The following MMP26 variants were observed in gnomAD, a reference collection of about 807,000 sequenced individuals.
The protein encoded by MMP26 is matrix metalloproteinase-26.
MMP26 carries 33 observed loss-of-function variants against 31.0 expected under a neutral mutation model. The observed-to-expected ratio is 1.06, with a 90% CI of 0.81 to 1.42. MMP26 has a LOEUF of 1.42. Among genes scored for constraint, MMP26 ranks in the 40% most tolerant of loss-of-function variants. MMP26 has a pLI of 0.00. For synonymous variants in MMP26, 122 were observed against 114.9 expected, an observed-to-expected ratio of 1.06 and a Z score of -0.40; for missense variants, 347 against 316.1, an observed-to-expected ratio of 1.10 and a Z score of -0.74.
chr11:4,786,493 CTTTTTTTTTTTTTT>C (rs66987352), intron 2 of MMP26, among the ~76,000 whole-genome samples: 12 of 60,350 alleles, frequency 2.0e-4, no homozygotes, highest in Middle Eastern at 7.6e-3. Context: ...TCTGCTGATC[CTTTTTTTTTTTTTT>C]TTTTTTTTTT....
chr11:4,755,666 A>C (rs142671776), intron 1 of MMP26, among the ~76,000 whole-genome samples: 2 of 152,162 alleles, frequency 1.3e-5, no homozygotes, highest in African/African-American at 4.8e-5. Context: ...CTCCGATTTT[A>C]AGCCTGCAAA....
chr11:4,908,264 T>G, intron 2 of MMP26: 1 of 1,614,118 alleles, frequency 6.2e-7, no homozygotes. Context: ...TCGACAAATC[T>G]GGGAGAAGAT....
At chr11:4,930,720 T>G (rs981975951) in intron 2 of MMP26, among the ~76,000 whole-genome samples, 8 of 152,114 alleles carry the variant, frequency 5.3e-5, no homozygotes, top group Non-Finnish European at 1.0e-4. Context: ...GCTTGTTTAC[T>G]ATACTTGCAC....
chr11:4,856,661 A>C (rs1850058129), intron 2 of MMP26, among the ~76,000 whole-genome samples: 1 of 152,196 alleles, frequency 6.6e-6, no homozygotes, highest in African/African-American at 2.4e-5. Context: ...TAGACAGATC[A>C]ATGAGACAGA....
intron 2 of MMP26, chr11:4,822,562 G>A: frequency 2.1e-6 from 1 of 472,228 alleles, no homozygotes; most frequent in East Asian, 3.5e-5. Flanking sequence ...TTATGATTTT[G>A]TTTTCAATAT....
Position 4,989,852 on chromosome 11 carries a change from CACACTCT to C in MMP26, c.306_312del (p.His102GlnfsTer12). On this transcript the variant is annotated frameshift_variant, in exon 4 of 8. Transcript: ENST00000380390. LOFTEE classifies it high-confidence loss of function. Reference sequence around the variant, plus strand: ...GCCAGGAAGATGCAAGTGGAATAAGCACACTCTAACTTACAGGTGCTTGTTACTAAGG... The same window carrying C: ...GCCAGGAAGATGCAAGTGGAATAAGCAACTTACAGGTGCTTGTTACTAAGG... 1 of 1,608,778 alleles carries C rather than the reference CACACTCT, an allele frequency of 6.2e-7. No homozygotes were observed. Among genetic ancestry groups the C allele is most frequent in the Non-Finnish European group, 8.5e-7 (1 of 1,179,850 alleles).
chr11:4,796,809 A>G (rs978532694), intron 2 of MMP26, among the ~76,000 whole-genome samples: 3 of 152,076 alleles, frequency 2.0e-5, no homozygotes, highest in African/African-American at 4.8e-5. Context: ...TGCTATACCT[A>G]AGGCAATCTC....
At chr11:4,865,670 A>G (rs993566776) in intron 2 of MMP26, among the ~76,000 whole-genome samples, 5 of 152,050 alleles carry the variant, frequency 3.3e-5, no homozygotes, top group African/African-American at 1.2e-4. Flanking sequence ...TTGTAGTACC[A>G]GTAGTTTTAT....
At chr11:4,799,080 C>T (rs1321786359) in intron 2 of MMP26, among the ~76,000 whole-genome samples, 1 of 152,158 alleles carries the variant, frequency 6.6e-6, no homozygotes, top group Non-Finnish European at 1.5e-5. Context: ...TGCCCGCCTA[C>T]AAATGGAAAA....
At chr11:4,973,101 T>G (rs111727687) in intron 2 of MMP26, 1 of 194,224 alleles carries the variant, frequency 5.1e-6, no homozygotes, top group African/African-American at 2.4e-5. Context: ...AACCGGTAGA[T>G]GACAGCTAGG....
At chr11:4,774,941 T>C (rs1253015146) in intron 2 of MMP26, among the ~76,000 whole-genome samples, 2 of 152,146 alleles carry the variant, frequency 1.3e-5, no homozygotes, top group African/African-American at 4.8e-5. Flanking sequence ...TGGTTGTAGA[T>C]ATGTGATCTT....
intron 1 of MMP26, among the ~76,000 whole-genome samples, chr11:4,721,094 G>A (rs1462143506): frequency 6.6e-6 from 1 of 152,130 alleles, no homozygotes; most frequent in Non-Finnish European, 1.5e-5. Flanking sequence ...CCATAGCAGG[G>A]AACCAAACAA....
intron 2 of MMP26, among the ~76,000 whole-genome samples, chr11:4,901,773 CTG>C (rs1167106816): frequency 6.6e-6 from 1 of 152,120 alleles, no homozygotes; most frequent in Non-Finnish European, 1.5e-5. Flanking sequence ...CTAAAGAGCA[CTG>C]TGTTTTGACA....
chr11:4,738,345 A>T (rs1318289182), intron 1 of MMP26, among the ~76,000 whole-genome samples: 1 of 152,186 alleles, frequency 6.6e-6, no homozygotes, highest in African/African-American at 2.4e-5. Flanking sequence ...AGGCAGGAGG[A>T]CATGAAGCAC....
chr11:4,721,540 A>G (rs1420460538), intron 1 of MMP26, among the ~76,000 whole-genome samples: 1 of 152,194 alleles, frequency 6.6e-6, no homozygotes, highest in Non-Finnish European at 1.5e-5. Flanking sequence ...ACTGGCTTTC[A>G]AGGACTCTTT....
Position 4,988,172 on chromosome 11 carries a change from T to C in MMP26, c.-40T>C. On this transcript the variant is annotated 5_prime_UTR_variant, in exon 3 of 8. Transcript: ENST00000380390. ...TATAAAGATCCAGTGGCCCAAGTTG[T>C]GTACCTGAATTCAAGCAGTGGGACA... 6.4e-7 allele frequency: 1 copy of C among 1,571,998 alleles called. No homozygotes were observed. The highest frequency in any genetic ancestry group is 1.1e-5 in the South Asian group (1 of 90,212).
intron 1 of MMP26, among the ~76,000 whole-genome samples, chr11:4,733,998 T>C (rs1848206414): frequency 6.6e-6 from 1 of 152,200 alleles, no homozygotes; most frequent in Non-Finnish European, 1.5e-5. Context: ...AAATCAACTT[T>C]GCATTCTTGG....
At chr11:4,780,799 A>G (rs1472117403) in intron 2 of MMP26, among the ~76,000 whole-genome samples, 4 of 151,852 alleles carry the variant, frequency 2.6e-5, no homozygotes, top group Non-Finnish European at 4.4e-5. Context: ...GAAATAACAC[A>G]GATGGGAAAG....
chr11:4,808,966 G>T (rs956404356), intron 2 of MMP26, among the ~76,000 whole-genome samples: 12 of 151,224 alleles, frequency 7.9e-5, no homozygotes, highest in Non-Finnish European at 1.5e-4. Flanking sequence ...CAGACTTAAT[G>T]CTTCAAGGCA....
Sources: gnomAD v4.1 joint callset for allele counts (sites outside exome capture counted in the v4.1 genomes callset) on GRCh38, gnomAD v4.1.1 for gene constraint, MANE v1.5 for transcripts, NCBI Gene and HGNC (gene_info 2026-07-23, HGNC 2026-07-21) for gene names.